Variants in DLGAP2 observed in about 807,000 individuals in gnomAD.
DLGAP2 encodes the protein disks large-associated protein 2.
In DLGAP2, 26 loss-of-function variants were observed where a neutral mutation model predicts 100.3. The observed-to-expected ratio is 0.26, with a 90% confidence interval of 0.19 to 0.36. DLGAP2 has a LOEUF of 0.36. Ranked by LOEUF, DLGAP2 falls within the 10% of genes least tolerant of loss-of-function variation. The probability of loss-of-function intolerance (pLI) is 1.00; values close to 1 mark genes in which losing one functional copy is unlikely to be tolerated. For synonymous variants in DLGAP2, 886 were observed against 630.1 expected, an observed-to-expected ratio of 1.41 and a Z score of -6.08; for missense variants, 1,858 against 1,453.2, an observed-to-expected ratio of 1.28 and a Z score of -4.53.
intron 2 of DLGAP2, among the ~76,000 whole-genome samples, chr8:1,051,410 C>T (rs185015610): frequency 5.5e-4 from 84 of 152,158 alleles, no homozygotes; most frequent in Admixed American, 4.6e-4. Flanking sequence ...CAGCTGTTTA[C>T]CCTCAGATGC....
chr8:1,246,601 C>G (rs1798906529), intron 2 of DLGAP2, among the ~76,000 whole-genome samples: 1 of 152,238 alleles, frequency 6.6e-6, no homozygotes, highest in African/African-American at 2.4e-5. Flanking sequence ...CTAGGAAATC[C>G]TAAACTTACC....
At chr8:1,519,906 G>C (rs867338003) in intron 4 of DLGAP2, among the ~76,000 whole-genome samples, 1 of 152,246 alleles carries the variant, frequency 6.6e-6, no homozygotes, top group Non-Finnish European at 1.5e-5. Context: ...TAGACCAAAG[G>C]GGCGTGGCTG....
intron 2 of DLGAP2, among the ~76,000 whole-genome samples, chr8:1,012,937 C>T (rs1801339587): frequency 6.6e-6 from 1 of 152,102 alleles, no homozygotes; most frequent in African/African-American, 2.4e-5. Context: ...CCTGTTTAAC[C>T]TCTCTGCAAA....
At chr8:1,222,545 G>A (rs959536245) in intron 2 of DLGAP2, among the ~76,000 whole-genome samples, 11 of 152,194 alleles carry the variant, frequency 7.2e-5, no homozygotes, top group African/African-American at 2.2e-4. Flanking sequence ...TGGTAAGTAC[G>A]TAAGTGCACA....
intron 2 of DLGAP2, among the ~76,000 whole-genome samples, chr8:1,062,347 C>T (rs957214223): frequency 2.6e-5 from 4 of 152,262 alleles, no homozygotes; most frequent in South Asian, 2.1e-4. Context: ...ACTGGAGCCT[C>T]GGAGGCACAC....
In DLGAP2 at chr8:1,549,242, G is replaced by A. The variant is rs1308671801; in HGVS notation, c.789G>A (p.Ala263=). The A allele has an allele frequency of 4.4e-6, 7 of 1,607,328 alleles. No homozygotes were observed. The highest frequency in any genetic ancestry group is 1.3e-5 in the African/African-American group (1 of 74,834). The change falls in exon 5 of 15, where the codon GCG becomes GCA. Residue 263 remains alanine (A), a synonymous_variant. Transcript: ENST00000637795. ...NANGTKADGR[A]DDHHHAHHAK... ...ACGGCACCAAGGCGGACGGCCGGGC[G>A]GACGACCACCACCACGCCCACCACG...
At chr8:813,869 G>A (rs569291774) in intron 1 of DLGAP2, among the ~76,000 whole-genome samples, 5 of 152,098 alleles carry the variant, frequency 3.3e-5, no homozygotes, top group Admixed American at 6.5e-5. Context: ...TTCTTCTGCC[G>A]AATGTTCTGG....
chr8:1,568,264 T>C (rs1434351401), intron 6 of DLGAP2, among the ~76,000 whole-genome samples: 1 of 66,882 alleles, frequency 1.5e-5, no homozygotes, highest in Non-Finnish European at 3.1e-5. Flanking sequence ...CCCGTGCCAC[T>C]GTCCACTCAG....
chr8:1,329,102 G>A (rs970025008), intron 3 of DLGAP2, among the ~76,000 whole-genome samples: 2 of 152,172 alleles, frequency 1.3e-5, no homozygotes, highest in Admixed American at 6.5e-5. Flanking sequence ...CGACGAGTGG[G>A]AAGAAAAGTC....
At chr8:1,346,564 G>A (rs1456756195) in intron 3 of DLGAP2, among the ~76,000 whole-genome samples, 1 of 151,572 alleles carries the variant, frequency 6.6e-6, no homozygotes, top group South Asian at 2.1e-4. Flanking sequence ...TAGCTGTGTG[G>A]GTGTTGAGTT....
intron 2 of DLGAP2, among the ~76,000 whole-genome samples, chr8:1,145,093 G>A (rs1358723003): frequency 6.6e-6 from 1 of 152,248 alleles, no homozygotes; most frequent in Non-Finnish European, 1.5e-5. Flanking sequence ...AAGGGACCAG[G>A]ATGAAAAGAG....
chr8:760,776 C>T (rs534098322), intron 1 of DLGAP2, among the ~76,000 whole-genome samples: 344 of 152,296 alleles, frequency 2.3e-3, no homozygotes, highest in Middle Eastern at 3.4e-3. Flanking sequence ...TGCACGCATG[C>T]ACCTGCTGCT....
intron 2 of DLGAP2, among the ~76,000 whole-genome samples, chr8:1,055,631 C>G (rs112694492): frequency 6.6e-6 from 1 of 152,212 alleles, no homozygotes; most frequent in African/African-American, 2.4e-5. Flanking sequence ...CCGGGTAGGA[C>G]GCTGGAAACA....
chr8:1,280,885 C>T (rs954910875), intron 3 of DLGAP2, among the ~76,000 whole-genome samples: 11 of 152,210 alleles, frequency 7.2e-5, no homozygotes, highest in African/African-American at 2.7e-4. Flanking sequence ...AAATCACATT[C>T]ACCTATTACA....
chr8:1,619,660 CACCATGTA>C (rs1280047009), intron 6 of DLGAP2: 2 of 152,230 alleles, frequency 1.3e-5, no homozygotes, highest in Non-Finnish European at 2.9e-5. Flanking sequence ...AGTAAGTGCT[CACCATGTA>C]TTATACTTGT....
chr8:1,420,372 CGTA>C (rs1797056256), intron 3 of DLGAP2, among the ~76,000 whole-genome samples: 1 of 152,154 alleles, frequency 6.6e-6, no homozygotes, highest in Non-Finnish European at 1.5e-5. Flanking sequence ...GATAAATACA[CGTA>C]AATGAAGCCT....
At chr8:798,469 G>A (rs1250606794) in intron 1 of DLGAP2, among the ~76,000 whole-genome samples, 3 of 147,034 alleles carry the variant, frequency 2.0e-5, no homozygotes, top group Non-Finnish European at 4.5e-5. Context: ...CGCTGACCAG[G>A]TGATGGGTGC....
intron 3 of DLGAP2, among the ~76,000 whole-genome samples, chr8:1,271,745 A>C (rs73535679): frequency 6.6e-6 from 1 of 152,200 alleles, no homozygotes; most frequent in African/African-American, 2.4e-5. Context: ...GAAGGCTACA[A>C]ACTTGTTGTT....
intron 3 of DLGAP2, among the ~76,000 whole-genome samples, chr8:1,331,361 G>C (rs931756187): frequency 5.9e-5 from 9 of 152,182 alleles, no homozygotes; most frequent in African/African-American, 9.7e-5. Flanking sequence ...CCCAGGGTGG[G>C]CTAGTGGGCA....
Sources: gnomAD v4.1 joint callset for allele counts (sites outside exome capture counted in the v4.1 genomes callset) on GRCh38, gnomAD v4.1.1 for gene constraint, MANE v1.5 for transcripts, NCBI Gene and HGNC (gene_info 2026-07-23, HGNC 2026-07-21) for gene names.